Variants in FBN1 observed in about 807,000 individuals in gnomAD.
FBN1 encodes the protein fibrillin-1.
A neutral mutation model predicts 365.1 loss-of-function variants in FBN1; 29 were observed. The observed-to-expected ratio is 0.08, with a 90% confidence interval of 0.06 to 0.11. The LOEUF is 0.11. Among genes scored for constraint, FBN1 ranks in the 10% least tolerant of loss-of-function variants. The pLI, the probability that FBN1 is intolerant of heterozygous loss-of-function variation, is 1.00. For synonymous variants in FBN1, 1,210 were observed against 1,270.5 expected, an observed-to-expected ratio of 0.95 and a Z score of 1.01; for missense variants, 2,476 against 3,703.2, an observed-to-expected ratio of 0.67 and a Z score of 8.60.
chr15:48,619,276 G>A (rs1021861092), intron 2 of FBN1, among the ~76,000 whole-genome samples: 2 of 152,122 alleles, frequency 1.3e-5, no homozygotes, highest in African/African-American at 4.8e-5. Context: ...CTTACTTTGT[G>A]CAGTTTGGGA....
intron 32 of FBN1, among the ~76,000 whole-genome samples, chr15:48,477,868 T>G (rs2043433757): frequency 6.6e-6 from 1 of 152,170 alleles, no homozygotes; most frequent in Non-Finnish European, 1.5e-5. Context: ...TCACAAAGAC[T>G]CAAAGGTCCT....
intron 6 of FBN1, among the ~76,000 whole-genome samples, chr15:48,553,139 ATC>A (rs771062946): frequency 1.3e-5 from 2 of 152,160 alleles, no homozygotes; most frequent in Non-Finnish European, 2.9e-5. Context: ...GCTCACTAAT[ATC>A]TCTGTTAGAT....
chr15:48,413,206 T>C (rs568473792), intron 64 of FBN1, among the ~76,000 whole-genome samples: 1 of 152,356 alleles, frequency 6.6e-6, no homozygotes, highest in Non-Finnish European at 1.5e-5. Context: ...TCATTACTTT[T>C]CCTCACTCAA....
intron 40 of FBN1, 62 bp downstream of exon 40, chr15:48,465,506 C>A: frequency 6.3e-7 from 1 of 1,585,916 alleles, no homozygotes; most frequent in Non-Finnish European, 8.7e-7. Context: ...TAACCATATT[C>A]TGGTTTTGCA....
intron 47 of FBN1, among the ~76,000 whole-genome samples, chr15:48,445,866 T>A (rs184841290): frequency 6.6e-6 from 1 of 152,120 alleles, no homozygotes; most frequent in Non-Finnish European, 1.5e-5. Flanking sequence ...TTCCTTTGTA[T>A]TCTTGCAATT....
Position 48,488,094 on chromosome 15 carries a change from C to T in FBN1, c.3337+19G>A, listed in dbSNP as rs1429586580. On this transcript the variant is annotated intron_variant, in intron 27 of 65. Transcript: ENST00000316623. ...GGAATCCTTCTCTTTCTGTGTTGAT[C>T]AAATGATCCCAAACTTACCCATGCA... 2.5e-6 allele frequency: 4 copies of T among 1,614,004 alleles called. No homozygotes were observed. Among genetic ancestry groups the T allele is most frequent in the Non-Finnish European group, 3.4e-6 (4 of 1,180,002 alleles).
In FBN1 at chr15:48,488,434, T is replaced by C. The variant is rs2229324; in HGVS notation, c.3142A>G (p.Ile1048Val). ...LCTHGKCRNT[I>V]GSFKCRCDSG... ...TCACACCTGCACTTAAAGCTGCCAA[T>C]GGTGTTTCTGCACTTGCCGTGGGTG... Residue 1048 changes from isoleucine (I) to valine (V), a missense_variant, in exon 26 of 66, where the codon ATT becomes GTT. Transcript: ENST00000316623. The C allele has an allele frequency of 9.9e-6, 16 of 1,614,226 alleles. No homozygotes were observed. In the East Asian group the frequency reaches 2.5e-4, roughly 25 times the overall value.
intron 2 of FBN1, among the ~76,000 whole-genome samples, chr15:48,626,099 A>C (rs111326145): frequency 6.6e-6 from 1 of 152,094 alleles, no homozygotes; most frequent in Admixed American, 6.5e-5. Flanking sequence ...CTTCAAAAAA[A>C]TTTTTAAATT....
intron 35 of FBN1, among the ~76,000 whole-genome samples, chr15:48,471,149 T>C (rs2043372302): frequency 6.6e-6 from 1 of 152,104 alleles, no homozygotes; most frequent in Non-Finnish European, 1.5e-5. Flanking sequence ...CAAGCCACAA[T>C]GTCTTTCAGG....
chr15:48,634,006 G>A (rs1387493160), intron 2 of FBN1, among the ~76,000 whole-genome samples: 1 of 152,090 alleles, frequency 6.6e-6, no homozygotes, highest in Admixed American at 6.5e-5. Flanking sequence ...TTTATAATAT[G>A]AATTTTTCTA....
chr15:48,504,450 C>T (rs1041656875), intron 16 of FBN1, among the ~76,000 whole-genome samples: 1 of 152,156 alleles, frequency 6.6e-6, no homozygotes, highest in African/African-American at 2.4e-5. Flanking sequence ...AGATGTTGGT[C>T]AACTAAGCTG....
At chr15:48,532,843 T>C (rs1474025333) in intron 8 of FBN1, among the ~76,000 whole-genome samples, 1 of 152,212 alleles carries the variant, frequency 6.6e-6, no homozygotes, top group Non-Finnish European at 1.5e-5. Flanking sequence ...AATGTTTTTT[T>C]AAGAAGTCTT....
intron 8 of FBN1, 111 bp from the exon 9 acceptor site, chr15:48,526,366 C>T: frequency 8.2e-7 from 1 of 1,215,348 alleles, no homozygotes; most frequent in Non-Finnish European, 1.2e-6. Context: ...TGGAAACAGC[C>T]ATCATTAAAA....
At chr15:48,511,826 T>C (rs1033796056) in intron 13 of FBN1, among the ~76,000 whole-genome samples, 1 of 152,236 alleles carries the variant, frequency 6.6e-6, no homozygotes, top group African/African-American at 2.4e-5. Context: ...ACCACATACA[T>C]GAGTTTATAC....
chr15:48,594,903 A>T (rs2044505242), intron 6 of FBN1, among the ~76,000 whole-genome samples: 1 of 152,230 alleles, frequency 6.6e-6, no homozygotes, highest in East Asian at 1.9e-4. Context: ...TTAAGTAATA[A>T]GGCCACAGAA....
At chr15:48,462,716 A>G (rs1452893735) in intron 42 of FBN1, among the ~76,000 whole-genome samples, 1 of 152,222 alleles carries the variant, frequency 6.6e-6, no homozygotes. Flanking sequence ...GTTTAGCTTT[A>G]AATAAGTAAA....
chr15:48,586,672 G>GA (rs1209773670), intron 6 of FBN1, among the ~76,000 whole-genome samples: 1 of 152,106 alleles, frequency 6.6e-6, no homozygotes, highest in Admixed American at 6.5e-5. Flanking sequence ...TAAATTTATG[G>GA]TCAAATGAAT....
intron 54 of FBN1, among the ~76,000 whole-genome samples, chr15:48,433,982 C>A (rs35349206): frequency 0.13 from 19,116 of 152,206 alleles, 1,457 homozygotes; most frequent in African/African-American, 0.21. Context: ...TGAGGCCTCA[C>A]AATGTGCATT....
chr15:48,608,496 C>T (rs1241846461), intron 4 of FBN1, among the ~76,000 whole-genome samples: 2 of 152,218 alleles, frequency 1.3e-5, no homozygotes, highest in Non-Finnish European at 2.9e-5. Flanking sequence ...GAATTCTGAT[C>T]ATCCCCAGCT....
Sources: gnomAD v4.1 joint callset for allele counts (sites outside exome capture counted in the v4.1 genomes callset) on GRCh38, gnomAD v4.1.1 for gene constraint, MANE v1.5 for transcripts, NCBI Gene and HGNC (gene_info 2026-07-23, HGNC 2026-07-21) for gene names.